FSTL5: variants seen among roughly 807,000 people sequenced by gnomAD.
FSTL5 encodes the protein follistatin-related protein 5.
A neutral mutation model predicts 89.1 loss-of-function variants in FSTL5; 62 were observed. That is an observed-to-expected ratio of 0.70 (90% CI 0.57 to 0.86). The LOEUF (loss-of-function observed/expected upper bound fraction) is 0.86. Ranked by LOEUF, FSTL5 falls within the 40% of genes least tolerant of loss-of-function variation. The probability of loss-of-function intolerance (pLI) is 0.00; values close to 1 mark genes in which losing one functional copy is unlikely to be tolerated. For missense variants in FSTL5, 1,057 were observed against 1,001.6 expected (o/e 1.06, Z -0.75); for synonymous variants, 383 against 346.2 (o/e 1.11, Z -1.18).
chr4:162,158,431 C>T (rs904869498), intron 1 of FSTL5, among the ~76,000 whole-genome samples: 7 of 151,854 alleles, frequency 4.6e-5, no homozygotes, highest in Non-Finnish European at 7.4e-5. Context: ...AAAGAATATA[C>T]GCTATAAAAT....
chr4:161,615,461 A>G (rs1425766380), intron 7 of FSTL5, among the ~76,000 whole-genome samples: 1 of 150,180 alleles, frequency 6.7e-6, no homozygotes, highest in Non-Finnish European at 1.5e-5. Context: ...AAAAAAAAAA[A>G]AAGAAAGAAA....
chr4:161,794,917 A>G (rs1243128995), intron 4 of FSTL5, among the ~76,000 whole-genome samples: 1 of 152,102 alleles, frequency 6.6e-6, no homozygotes, highest in African/African-American at 2.4e-5. Flanking sequence ...AAACATAGTA[A>G]CTAGCTTATT....
chr4:161,492,128 T>C lies in FSTL5; in HGVS notation c.1458+7888A>G, dbSNP rs756579365. ...ATTTAAATTAGGAGAAATTCAGTAG[T>C]ATTATTTCCTTTTTTGTGTCCTCAG... On this transcript the variant is annotated intron_variant, in intron 12 of 15. Coordinates refer to ENST00000306100, the MANE Select transcript of FSTL5 (RefSeq NM_020116.5). Among the ~76,000 whole-genome samples the C allele has an allele frequency of 2.6e-5, 4 of 152,288 alleles. No homozygotes were observed. The South Asian group carries it at 8.3e-4, about 32-fold the overall frequency.
chr4:161,784,895 A>AAAAAAAAAAAAAACAAAAC lies in FSTL5; in HGVS notation c.410-8822_410-8821insGTTTTGTTTTTTTTTTTTT, dbSNP rs1553965825. ...GCGACAGAGCAAGACTCCGTCTCAAAAAAAACAAAAACAAACAAACAAAAA... is the reference window on the plus strand; with the variant it reads ...GCGACAGAGCAAGACTCCGTCTCAAAAAAAAAAAAAAAACAAAACAAAAACAAAAACAAACAAACAAAAA... On this transcript the variant is annotated intron_variant, in intron 4 of 15. Coordinates refer to ENST00000306100, the MANE Select transcript of FSTL5 (RefSeq NM_020116.5). Among the ~76,000 whole-genome samples, 85 of 142,008 alleles carry AAAAAAAAAAAAAACAAAAC rather than the reference A, an allele frequency of 6.0e-4. 6 individuals carry two copies. The highest frequency in any genetic ancestry group is 2.2e-3 in the African/African-American group (82 of 37,732). 93.2% of individuals were successfully genotyped at this position (142,008 alleles called of 152,430 possible). A position where few individuals can be genotyped will look rare whatever the true frequency, so the allele number is the denominator to read the frequency against.
At chr4:161,715,718 C>G (rs1358377841) in intron 6 of FSTL5, among the ~76,000 whole-genome samples, 1 of 152,220 alleles carries the variant, frequency 6.6e-6, no homozygotes, top group Non-Finnish European at 1.5e-5. Flanking sequence ...AGATACAAAA[C>G]TTGCTCCTTC....
At chr4:161,443,442 C>T (rs1312073344) in intron 15 of FSTL5, among the ~76,000 whole-genome samples, 1 of 151,858 alleles carries the variant, frequency 6.6e-6, no homozygotes, top group African/African-American at 2.4e-5. Context: ...CCTTATTACT[C>T]CAAAGTATGA....
intron 4 of FSTL5, among the ~76,000 whole-genome samples, chr4:161,809,158 G>T (rs1424134819): frequency 6.6e-6 from 1 of 152,164 alleles, no homozygotes; most frequent in African/African-American, 2.4e-5. Flanking sequence ...GGCGGAGCTT[G>T]CAGTGAGCCA....
intron 4 of FSTL5, among the ~76,000 whole-genome samples, chr4:161,911,698 A>C (rs1191904133): frequency 1.3e-5 from 2 of 152,214 alleles, no homozygotes; most frequent in African/African-American, 2.4e-5. Context: ...TTCTAGCTAG[A>C]TGATATGATG....
chr4:161,773,786 C>A (rs1198216465), intron 5 of FSTL5, among the ~76,000 whole-genome samples: 1 of 152,080 alleles, frequency 6.6e-6, no homozygotes, highest in East Asian at 1.9e-4. Flanking sequence ...TGTGGAGAGT[C>A]CTTAAAGAAC....
At chr4:161,785,359 A>G (rs72979139) in intron 4 of FSTL5, among the ~76,000 whole-genome samples, 9,211 of 152,192 alleles carry the variant, frequency 0.061, 426 homozygotes, top group African/African-American at 0.13. Flanking sequence ...ATATTCAATA[A>G]TAAATCATAT....
chr4:161,566,048 AC>A (rs1732789500), intron 8 of FSTL5, among the ~76,000 whole-genome samples: 1 of 140,600 alleles, frequency 7.1e-6, no homozygotes, highest in African/African-American at 2.6e-5. Flanking sequence ...ATAAGTGTTC[AC>A]TTTTCACTGC....
chr4:162,110,527 TAA>T (rs1731395350), intron 2 of FSTL5, among the ~76,000 whole-genome samples: 1 of 151,862 alleles, frequency 6.6e-6, no homozygotes, highest in South Asian at 2.1e-4. Flanking sequence ...TACAAATATA[TAA>T]AGTTTTCTCC....
intron 3 of FSTL5, among the ~76,000 whole-genome samples, chr4:161,932,032 T>C (rs1734299556): frequency 1.3e-5 from 2 of 151,838 alleles, no homozygotes; most frequent in African/African-American, 2.4e-5. Context: ...CTATTTAGAG[T>C]AACGGTTCTA....
chr4:162,160,965 T>G (rs1733672031), intron 1 of FSTL5, among the ~76,000 whole-genome samples: 1 of 151,906 alleles, frequency 6.6e-6, no homozygotes, highest in Admixed American at 6.6e-5. Context: ...ATCTATAAAT[T>G]TCATTTTTGA....
intron 4 of FSTL5, among the ~76,000 whole-genome samples, chr4:161,899,288 A>G (rs1733274550): frequency 6.6e-6 from 1 of 152,202 alleles, no homozygotes; most frequent in Non-Finnish European, 1.5e-5. Context: ...GATGCAGAGA[A>G]GAAAAGAAGG....
intron 1 of FSTL5, among the ~76,000 whole-genome samples, chr4:162,153,851 G>T (rs2110741074): frequency 6.8e-6 from 1 of 147,190 alleles, no homozygotes; most frequent in Admixed American, 6.9e-5. Flanking sequence ...TGTTGCCCAG[G>T]CTGGAGTGCA....
In FSTL5 at chr4:161,683,789, T is replaced by G. The variant is rs373234215; in HGVS notation, c.728-27295A>C. 1.1e-4 allele frequency among the ~76,000 whole-genome samples: 16 copies of G among 152,248 alleles called. No homozygotes were observed. In the East Asian group the frequency reaches 3.1e-3, roughly 29 times the overall value. ...TAGGTTATTGGGGAATGGGTGGTGT[T>G]TGGTTACATGAGTAAGTTCTTTAGT... On this transcript the variant is annotated intron_variant, in intron 6 of 15. Transcript: ENST00000306100.
intron 1 of FSTL5, among the ~76,000 whole-genome samples, chr4:162,162,951 A>ATGCT (rs1255918986): frequency 1.3e-5 from 2 of 152,222 alleles, no homozygotes; most frequent in African/African-American, 4.8e-5. Context: ...AGTCAACAGC[A>ATGCT]GAACAAACAG....
At chr4:161,793,613 A>ATTTTTTT (rs5863486) in intron 4 of FSTL5, among the ~76,000 whole-genome samples, 1 of 147,446 alleles carries the variant, frequency 6.8e-6, no homozygotes. Flanking sequence ...CCATGTTGTC[A>ATTTTTTT]TTTTTTTTTT....
Sources: gnomAD v4.1 joint callset for allele counts (sites outside exome capture counted in the v4.1 genomes callset) on GRCh38, gnomAD v4.1.1 for gene constraint, MANE v1.5 for transcripts, NCBI Gene and HGNC (gene_info 2026-07-23, HGNC 2026-07-21) for gene names.